Variants in SERPINA10 observed in about 807,000 individuals in gnomAD.
SERPINA10 encodes serpin family A member 10.
SERPINA10 carries 24 observed loss-of-function variants against 28.0 expected under a neutral mutation model. The observed-to-expected ratio is 0.86, with a 90% CI of 0.62 to 1.20. The LOEUF (loss-of-function observed/expected upper bound fraction) is 1.20. SERPINA10 is among the 50% of genes most tolerant of loss of function. SERPINA10 has a pLI of 0.00. For synonymous variants in SERPINA10, 207 were observed against 203.9 expected, an observed-to-expected ratio of 1.02 and a Z score of -0.13; for missense variants, 521 against 537.7, an observed-to-expected ratio of 0.97 and a Z score of 0.31.
rs1257052848 is a variant in SERPINA10 at position 94,283,313 on chromosome 14, T to C, written c.*652A>G. On this transcript the variant is annotated 3_prime_UTR_variant, in exon 5 of 5. Coordinates refer to ENST00000261994, the MANE Select transcript of SERPINA10 (RefSeq NM_001100607.3). ...ATACCAGACAGATTGCACAAACATC[T>C]TAAAAAATATGTATCAATTTAATGC... 1 of 152,396 alleles carries C rather than the reference T, an allele frequency of 6.6e-6. No homozygotes were observed. The highest frequency in any genetic ancestry group is 1.9e-4 in the East Asian group (1 of 5,188). The allele number at this position is 152,396 out of a possible 1,614,324, so 9.4% of individuals were successfully genotyped here. A position where few individuals can be genotyped will look rare whatever the true frequency, so the allele number is the denominator to read the frequency against.
rs563368326 is a variant in SERPINA10 at position 94,282,529 on chromosome 14, A to G, written c.*1436T>C. 7.7e-4 allele frequency: 117 copies of G among 152,268 alleles called. No individual in the cohort carries two copies. Among genetic ancestry groups the G allele is most frequent in the African/African-American group, 2.7e-3 (111 of 41,534 alleles). The allele number at this position is 152,268 out of a possible 1,614,324, so 9.4% of individuals were successfully genotyped here. Reference sequence around the variant, plus strand: ...GGTCCCCATCAGATGTTTTAGATGGAAGGAAGAGTAAAAAGGGCTTGGAGA... The same window carrying G: ...GGTCCCCATCAGATGTTTTAGATGGGAGGAAGAGTAAAAAGGGCTTGGAGA... On this transcript the variant is annotated 3_prime_UTR_variant, in exon 5 of 5. Coordinates refer to ENST00000261994, the MANE Select transcript of SERPINA10 (RefSeq NM_001100607.3).
In SERPINA10 at chr14:94,290,554, C is replaced by T. The variant is rs1468206951; in HGVS notation, c.40G>A (p.Ala14Thr). The T allele has an allele frequency of 6.2e-7, 1 of 1,613,610 alleles. No individual in the cohort carries two copies. The highest frequency in any genetic ancestry group is 2.2e-5 in the East Asian group (1 of 44,856). Reference protein sequence around the residue: ...VPSLLLSVLLAQVWLVPGLAP... With the variant: ...VPSLLLSVLLTQVWLVPGLAP... The stretch of plus-strand genomic sequence containing the variant: ...AAGCCGGGTACCAGCCACACCTGTG[C>T]CAGGAGGACGGAGAGCAGGAGACTT... Residue 14 changes from alanine (A) to threonine (T), a missense_variant, in exon 2 of 5, where the codon GCA becomes ACA. Physicochemically the swap from Ala to Thr is moderately conservative, Grantham distance 58. Transcript: ENST00000261994.
Position 94,290,260 on chromosome 14 carries a change from A to T in SERPINA10, c.334T>A (p.Leu112Met), listed in dbSNP as rs372663141. ...GTCGGCCCTGTGGCCCCCAGCATCAAGCCTGTCATGGCCAAGGACATGCCA... is the reference window on the plus strand; with the variant it reads ...GTCGGCCCTGTGGCCCCCAGCATCATGCCTGTCATGGCCAAGGACATGCCA... Reference protein sequence around the residue: ...PFGMSLAMTGLMLGATGPTET... With the variant: ...PFGMSLAMTGMMLGATGPTET... Residue 112 changes from leucine (L) to methionine (M), a missense_variant, in exon 2 of 5, where the codon TTG (leucine) becomes ATG (methionine). Coordinates refer to ENST00000261994, the MANE Select transcript of SERPINA10 (RefSeq NM_001100607.3). 3.1e-6 allele frequency: 5 copies of T among 1,614,220 alleles called. No homozygotes were observed. Among genetic ancestry groups the T allele is most frequent in the Non-Finnish European group, 4.2e-6 (5 of 1,180,036 alleles).
At chr14:94,292,865 C>T (rs919852569) in intron 1 of SERPINA10, 7 of 568,570 alleles carry the variant, frequency 1.2e-5, no homozygotes, top group Non-Finnish European at 2.2e-5. Flanking sequence ...TGGGACAGCA[C>T]ACATCCCTGC....
chr14:94,290,861 C>T (rs1020259822), intron 1 of SERPINA10, among the ~76,000 whole-genome samples: 1 of 152,154 alleles, frequency 6.6e-6, no homozygotes, highest in Non-Finnish European at 1.5e-5. Flanking sequence ...CCCTGCCAGG[C>T]CGGCAGGCAG....
intron 1 of SERPINA10, 137 bp from the exon 2 acceptor site, chr14:94,290,780 G>A: frequency 2.2e-6 from 2 of 910,856 alleles, no homozygotes; most frequent in Non-Finnish European, 1.6e-6. Flanking sequence ...CCTAGAGCAA[G>A]TGTGGGTGAC....
Position 94,288,347 on chromosome 14 carries a change from C to T in SERPINA10, c.931G>A (p.Ala311Thr), listed in dbSNP as rs148392580. Residue 311 changes from alanine (A) to threonine (T), a missense_variant, in exon 3 of 5, where the codon GCC (alanine) becomes ACC (threonine). By Grantham distance (58) the Ala-to-Thr change is moderately conservative (BLOSUM62 0). Coordinates refer to ENST00000261994, the MANE Select transcript of SERPINA10 (RefSeq NM_001100607.3). ...VLMEKMGDHLALEDYLTTDLV... is the reference protein window; with the variant it reads ...VLMEKMGDHLTLEDYLTTDLV... ...TCTGTGGTCAGGTAGTCTTCAAGGG[C>T]GAGGTGGTCACCCATTTTCTCCATG... is the stretch of plus-strand genomic sequence containing the variant. 323 of 1,614,114 alleles carry T rather than the reference C, an allele frequency of 2.0e-4. No individual in the cohort carries two copies. The highest frequency in any genetic ancestry group is 6.6e-4 in the Middle Eastern group (4 of 6,062).
intron 1 of SERPINA10, chr14:94,292,822 G>T: frequency 1.6e-6 from 1 of 614,650 alleles, no homozygotes. Flanking sequence ...TGGGCAGTAA[G>T]GAATCACCAG....
intron 1 of SERPINA10, among the ~76,000 whole-genome samples, chr14:94,292,289 A>T (rs1190315993): frequency 1.3e-5 from 2 of 152,084 alleles, no homozygotes; most frequent in Non-Finnish European, 2.9e-5. Context: ...CCTCCTCTCC[A>T]TGGGAGGACA....
chr14:94,292,463 A>G, intron 1 of SERPINA10: 1 of 619,790 alleles, frequency 1.6e-6, no homozygotes, highest in Non-Finnish European at 3.0e-6. Context: ...AGCTAAAACG[A>G]TTACGTGGCA....
In SERPINA10 at chr14:94,290,159, A is replaced by T; in HGVS notation, c.435T>A (p.Phe145Leu). The T allele has an allele frequency of 6.2e-7, 1 of 1,614,058 alleles. No homozygotes were observed. Among genetic ancestry groups the T allele is most frequent in the East Asian group, 2.2e-5 (1 of 44,854 alleles). Residue 145 changes from phenylalanine (F) to leucine (L), a missense_variant, in exon 2 of 5, where the codon TTT (phenylalanine) becomes TTA (leucine). Phe to Leu is a conservative substitution (Grantham distance 22). Transcript: ENST00000261994. ...PTKPGLLPSL[F>L]KGLRETLSRN... ...GGGAGAGGGTCTCTCTGAGTCCCTT[A>T]AAGAGGGAAGGCAGGAGCCCGGGCT...
At position 94,289,948 on chromosome 14, in the gene SERPINA10, T is replaced by C. The variant is rs773743146; in HGVS notation, c.646A>G (p.Lys216Glu). 1.4e-5 allele frequency: 22 copies of C among 1,614,046 alleles called. No individual in the cohort carries two copies. The highest frequency in any genetic ancestry group is 1.1e-4 in the South Asian group (10 of 91,088). Reference sequence around the variant, plus strand: ...ATCTCATCAAACAGTTTGGGAATTTTCCCCCGAGTCTCTTTGTTAATGTAA... The same window carrying C: ...ATCTCATCAAACAGTTTGGGAATTTCCCCCCGAGTCTCTTTGTTAATGTAA... ...NHYINKETRG[K>E]IPKLFDEINP... The change falls in exon 2 of 5, where the codon AAA becomes GAA. Residue 216 changes from lysine to glutamate, a missense_variant. Transcript: ENST00000261994.
intron 1 of SERPINA10, chr14:94,292,486 A>G (rs1307773338): frequency 7.6e-6 from 5 of 655,872 alleles, no homozygotes; most frequent in African/African-American, 3.6e-5. Context: ...ATTTAGTGCT[A>G]CTTTCTACAT....
chr14:94,280,468 T>G lies in SERPINA10; in HGVS notation c.*3497A>C, dbSNP rs1435889022. On this transcript the variant is annotated 3_prime_UTR_variant, in exon 5 of 5. Coordinates refer to ENST00000261994, the MANE Select transcript of SERPINA10 (RefSeq NM_001100607.3). ...CAGAACATGACATTTCCTAAAATCTTTGAAATATTTATTAAAATTATACTC... is the reference window on the plus strand; with the variant it reads ...CAGAACATGACATTTCCTAAAATCTGTGAAATATTTATTAAAATTATACTC... 1 of 152,162 alleles carries G rather than the reference T, an allele frequency of 6.6e-6. No individual in the cohort carries two copies. The highest frequency in any genetic ancestry group is 2.4e-5 in the African/African-American group (1 of 41,440). The allele number at this position is 152,162 out of a possible 1,614,324, so 9.4% of individuals were successfully genotyped here.
Position 94,281,995 on chromosome 14 carries a change from CTT to C in SERPINA10, c.*1968_*1969del, listed in dbSNP as rs774167926. The C allele has an allele frequency of 3.3e-5, 5 of 152,532 alleles. No homozygotes were observed. The highest frequency in any genetic ancestry group is 5.9e-5 in the Non-Finnish European group (4 of 68,012). 9.4% of individuals were successfully genotyped at this position (152,532 alleles called of 1,614,324 possible). On this transcript the variant is annotated 3_prime_UTR_variant, in exon 5 of 5. Transcript: ENST00000261994. ...GACTAATTGAACACAAACAAGGTGA[CTT>C]AAGAATGTCAGATAGAGTTAGTCCT...
chr14:94,292,978 G>T (rs1407854740), intron 1 of SERPINA10: 6 of 386,050 alleles, frequency 1.6e-5, no homozygotes, highest in Non-Finnish European at 2.9e-5. Context: ...CCTCCTTCCT[G>T]CAGAGGAGCC....
Position 94,283,800 on chromosome 14 carries a change from C to T in SERPINA10, c.*165G>A, listed in dbSNP as rs1349933088. The T allele has an allele frequency of 3.0e-6, 2 of 676,952 alleles. No homozygotes were observed. The highest frequency in any genetic ancestry group is 5.1e-6 in the Non-Finnish European group (2 of 390,022). The allele number at this position is 676,952 out of a possible 1,614,324, so 41.9% of individuals were successfully genotyped here. On this transcript the variant is annotated 3_prime_UTR_variant, in exon 5 of 5. Transcript: ENST00000261994. ...ATCTGCTGGGGGTCTTTGAATGTAT[C>T]CCCCTCAGATAAGTGGGGACTACTG... is the stretch of plus-strand genomic sequence containing the variant.
intron 2 of SERPINA10, 73 bp downstream of exon 2, chr14:94,289,803 G>T (rs1234859038): frequency 8.1e-6 from 12 of 1,473,786 alleles, no homozygotes; most frequent in Non-Finnish European, 1.1e-5. Flanking sequence ...TCATATGCTG[G>T]CCTAACGAAA....
intron 2 of SERPINA10, among the ~76,000 whole-genome samples, chr14:94,289,427 C>G (rs147029280): frequency 1.3e-5 from 2 of 152,334 alleles, no homozygotes; most frequent in African/African-American, 2.4e-5. Flanking sequence ...TGCTATGTGC[C>G]AAGCCCATCT....
Sources: allele counts gnomAD v4.1 joint callset (sites outside exome capture counted in the v4.1 genomes callset), GRCh38; gene constraint gnomAD v4.1.1; transcripts MANE v1.5; gene names NCBI Gene and HGNC (gene_info 2026-07-23, HGNC 2026-07-21).